Variants in CAST observed in about 807,000 individuals in gnomAD.
The protein encoded by CAST is MIR583 host.
CAST carries 76 observed loss-of-function variants against 119.6 expected under a neutral mutation model. That is an observed-to-expected ratio of 0.64 (90% confidence interval 0.53 to 0.77). The LOEUF (loss-of-function observed/expected upper bound fraction) is 0.77. Among genes scored for constraint, CAST ranks in the 30% least tolerant of loss-of-function variants. The probability of loss-of-function intolerance (pLI) is 0.00; values close to 1 mark genes in which losing one functional copy is unlikely to be tolerated. For missense variants in CAST, 953 were observed against 946.5 expected (o/e 1.01, Z -0.09); for synonymous variants, 319 against 331.6 (o/e 0.96, Z 0.41).
chr5:96,365,661 G>A, the CAST span, among the ~76,000 whole-genome samples: 1 of 151,326 alleles, frequency 6.6e-6, no homozygotes. Context: ...GCCTTTTTTT[G>A]TTTTCCATTT....
chr5:96,696,579 G>A (rs560268457), intron 3 of CAST, among the ~76,000 whole-genome samples: 1 of 151,418 alleles, frequency 6.6e-6, no homozygotes, highest in South Asian at 2.1e-4. Flanking sequence ...GCTCATGCCT[G>A]TAATCGCAGC....
chr5:96,147,544 A>C, the CAST span, among the ~76,000 whole-genome samples: 1 of 152,212 alleles, frequency 6.6e-6, no homozygotes, highest in Non-Finnish European at 1.5e-5. Context: ...CGGAGCTTGC[A>C]GTGAGCCGAG....
intron 3 of CAST, among the ~76,000 whole-genome samples, chr5:96,705,002 C>T (rs1246194776): frequency 6.6e-6 from 1 of 152,074 alleles, no homozygotes; most frequent in Non-Finnish European, 1.5e-5. Flanking sequence ...GGTACTACAT[C>T]CAATTTTTTA....
chr5:96,136,498 T>C, the CAST span, among the ~76,000 whole-genome samples: 8 of 152,174 alleles, frequency 5.3e-5, no homozygotes, highest in African/African-American at 1.7e-4. Flanking sequence ...GATACTGTAT[T>C]AGAAAACAAA....
intron 1 of CAST, among the ~76,000 whole-genome samples, chr5:96,627,492 A>C (rs957315203): frequency 2.6e-5 from 4 of 152,232 alleles, no homozygotes; most frequent in Admixed American, 2.0e-4. Context: ...ATTATCTGGC[A>C]AAATACAAAG....
At chr5:96,473,124 A>T in the CAST span, among the ~76,000 whole-genome samples, 1 of 152,178 alleles carries the variant, frequency 6.6e-6, no homozygotes, top group African/African-American at 2.4e-5. Flanking sequence ...ACTTGATTAC[A>T]TCTGCAAAGA....
At chr5:96,025,440 C>T in the CAST span, among the ~76,000 whole-genome samples, 1 of 152,200 alleles carries the variant, frequency 6.6e-6, no homozygotes, top group Non-Finnish European at 1.5e-5. Context: ...AATACCATCA[C>T]ATGGGAGATG....
chr5:96,406,913 T>G, the CAST span, among the ~76,000 whole-genome samples: 1 of 152,182 alleles, frequency 6.6e-6, no homozygotes, highest in Non-Finnish European at 1.5e-5. Flanking sequence ...TGAGGACACA[T>G]AAAAAGCTGT....
chr5:96,246,187 C>CTTTTTTTTTTTTTTTTTTT, the CAST span, among the ~76,000 whole-genome samples: 119 of 76,402 alleles, frequency 1.6e-3, 21 homozygotes, highest in African/African-American at 3.4e-3. Flanking sequence ...GTCTGTCTTC[C>CTTTTTTTTTTTTTTTTTTT]TTTTTTTTTT....
At chr5:96,119,245 G>T in the CAST span, among the ~76,000 whole-genome samples, 1 of 152,070 alleles carries the variant, frequency 6.6e-6, no homozygotes, top group Non-Finnish European at 1.5e-5. Context: ...GTCACACTTA[G>T]GTGTTTTATT....
the CAST span, among the ~76,000 whole-genome samples, chr5:96,096,062 C>T: frequency 6.6e-6 from 1 of 152,098 alleles, no homozygotes; most frequent in African/African-American, 2.4e-5. Flanking sequence ...CAGTGAAAGA[C>T]CTAACCTCAT....
chr5:96,416,049 G>T, the CAST span: 1 of 1,609,620 alleles, frequency 6.2e-7, no homozygotes, highest in Non-Finnish European at 8.5e-7. Flanking sequence ...CTTTGGAATT[G>T]TATGCAACTC....
At chr5:96,162,944 T>TC in the CAST span, among the ~76,000 whole-genome samples, 2 of 152,242 alleles carry the variant, frequency 1.3e-5, no homozygotes, top group Non-Finnish European at 2.9e-5. Flanking sequence ...TGTTTATTTT[T>TC]CTTCTATTTT....
At chr5:96,691,501 G>A (rs140296000) in intron 2 of CAST, among the ~76,000 whole-genome samples, 35 of 152,282 alleles carry the variant, frequency 2.3e-4, no homozygotes, top group Non-Finnish European at 4.0e-4. Context: ...CAGCCACTAA[G>A]TCTTCTCATG....
At chr5:96,554,937 G>T (rs1223611180) in intron 1 of CAST, among the ~76,000 whole-genome samples, 1 of 152,178 alleles carries the variant, frequency 6.6e-6, no homozygotes, top group East Asian at 1.9e-4. Flanking sequence ...AAATAAGAGT[G>T]CTTTTACACT....
At chr5:96,136,337 T>C in the CAST span, among the ~76,000 whole-genome samples, 6 of 145,534 alleles carry the variant, frequency 4.1e-5, no homozygotes, top group East Asian at 1.2e-3. Flanking sequence ...TTTGACATAA[T>C]TGCACCTCTT....
chr5:96,109,532 G>A, the CAST span, among the ~76,000 whole-genome samples: 1 of 152,204 alleles, frequency 6.6e-6, no homozygotes, highest in Non-Finnish European at 1.5e-5. Context: ...GCAGTGATCA[G>A]TTGTCCTCTA....
intron 17 of CAST, among the ~76,000 whole-genome samples, chr5:96,746,999 C>G (rs1245777698): frequency 6.6e-6 from 1 of 152,200 alleles, no homozygotes; most frequent in Non-Finnish European, 1.5e-5. Context: ...TGATATCCAC[C>G]TCTTCACTCT....
At chr5:95,963,770 T>C in the CAST span, among the ~76,000 whole-genome samples, 30 of 147,634 alleles carry the variant, frequency 2.0e-4, no homozygotes, top group South Asian at 1.5e-3. Flanking sequence ...AGCACATAGC[T>C]AAAGCCTTAA....
Sources: gnomAD v4.1 joint callset for allele counts (sites outside exome capture counted in the v4.1 genomes callset) on GRCh38, gnomAD v4.1.1 for gene constraint, MANE v1.5 for transcripts, NCBI Gene and HGNC (gene_info 2026-07-23, HGNC 2026-07-21) for gene names.